ADH7: variants seen among roughly 807,000 people sequenced by gnomAD.
ADH7 encodes all-trans-retinol dehydrogenase [NAD(+)] ADH7.
A neutral mutation model predicts 34.4 loss-of-function variants in ADH7; 41 were observed. The ratio of observed to expected loss-of-function variants is 1.19; its 90% CI spans 0.93 to 1.55. The LOEUF (loss-of-function observed/expected upper bound fraction) is 1.55, where lower values mean the gene tolerates loss of function less well. Ranked by LOEUF, ADH7 falls within the 40% of genes most tolerant of loss-of-function variation. ADH7 has a pLI of 0.00. For synonymous variants in ADH7, 180 were observed against 160.9 expected (o/e 1.12, Z -0.90); for missense variants, 540 against 461.2 (o/e 1.17, Z -1.56).
At chr4:99,420,452 T>C (rs1721620250) in intron 6 of ADH7, 81 bp downstream of exon 6, 1 of 1,412,838 alleles carries the variant, frequency 7.1e-7, no homozygotes, top group Admixed American at 2.0e-5. Context: ...TGACTATTAA[T>C]AAAGTTATAG....
Position 99,427,812 on chromosome 4 carries a change from C to A in ADH7, c.525G>T (p.Gly175=). 1 of 1,602,886 alleles carries A rather than the reference C, an allele frequency of 6.2e-7. No homozygotes were observed. The highest frequency in any genetic ancestry group is 8.5e-7 in the Non-Finnish European group (1 of 1,173,550). ...PPEKVCLIGC[G]FSTGYGAAVK... is the part of the protein sequence containing the mutation. ...CAGCAGCGCCATATCCAGTGGAAAA[C>A]CCACAGCCAATTAAACAGACTTTCT... Residue 175 remains glycine, a synonymous_variant, in exon 5 of 9, where the codon GGG becomes GGT. Transcript: ENST00000437033.
intron 7 of ADH7, 48 bp downstream of exon 7, chr4:99,418,938 C>T: frequency 6.2e-7 from 1 of 1,602,448 alleles, no homozygotes; most frequent in Non-Finnish European, 8.5e-7. Flanking sequence ...TTGCCAAGCA[C>T]CAGAGTGAAA....
At chr4:99,429,176 T>C (rs1385973984) in intron 2 of ADH7, among the ~76,000 whole-genome samples, 1 of 152,158 alleles carries the variant, frequency 6.6e-6, no homozygotes, top group Non-Finnish European at 1.5e-5. Context: ...ACAAGTGAGT[T>C]CCTCATTCTT....
intron 1 of ADH7, among the ~76,000 whole-genome samples, chr4:99,434,767 A>G (rs944995282): frequency 3.9e-5 from 6 of 152,154 alleles, no homozygotes; most frequent in African/African-American, 1.2e-4. Context: ...TTTGCATCCC[A>G]GAATTAGCAT....
chr4:99,434,185 G>A (rs1432719502), intron 1 of ADH7, among the ~76,000 whole-genome samples: 1 of 152,172 alleles, frequency 6.6e-6, no homozygotes, highest in East Asian at 1.9e-4. Flanking sequence ...AACCAGACCT[G>A]AAGCATCTGT....
chr4:99,428,011 C>A (rs4147550), intron 4 of ADH7, 22 bp from the exon 5 acceptor site: 1 of 1,611,882 alleles, frequency 6.2e-7, no homozygotes, highest in Admixed American at 1.7e-5. Flanking sequence ...ATCAAATACA[C>A]GTATTAATTA....
intron 7 of ADH7, among the ~76,000 whole-genome samples, chr4:99,418,069 T>C (rs1289131351): frequency 2.0e-5 from 3 of 152,190 alleles, no homozygotes; most frequent in Non-Finnish European, 4.4e-5. Context: ...CTCAGTTTTA[T>C]TATTCATTAA....
At chr4:99,428,783 T>C (rs1721875537) in intron 2 of ADH7, among the ~76,000 whole-genome samples, 153 bp from the exon 3 acceptor site, 1 of 152,206 alleles carries the variant, frequency 6.6e-6, no homozygotes, top group Admixed American at 6.6e-5. Context: ...GAGCCAAAAA[T>C]CAACCATCAG....
Position 99,427,995 on chromosome 4 carries a change from T to G in ADH7, c.348-6A>C. On this transcript the variant is annotated splice_region_variant and splice_polypyrimidine_tract_variant and intron_variant, in intron 4 of 8. Transcript: ENST00000437033. ...GTACTCCACGACCAGTAATACTGTT[T>G]GATACATCAAATACACGTATTAATT... 1 of 1,613,826 alleles carries G rather than the reference T, an allele frequency of 6.2e-7. No homozygotes were observed. The highest frequency in any genetic ancestry group is 8.5e-7 in the Non-Finnish European group (1 of 1,179,798).
At chr4:99,413,966 A>G (rs1214519774) in intron 8 of ADH7, among the ~76,000 whole-genome samples, 1 of 152,198 alleles carries the variant, frequency 6.6e-6, no homozygotes, top group Non-Finnish European at 1.5e-5. Context: ...TGGCGAAAAA[A>G]TATTTCCAAG....
At chr4:99,417,376 C>T (rs886079877) in intron 7 of ADH7, among the ~76,000 whole-genome samples, 3 of 152,096 alleles carry the variant, frequency 2.0e-5, no homozygotes, top group African/African-American at 7.2e-5. Flanking sequence ...TTGCCAACAC[C>T]CTGTTGTATT....
At position 99,419,059 on chromosome 4, in the gene ADH7, T is replaced by C. The variant is rs1181197937; in HGVS notation, c.888A>G (p.Pro296=). ...YGTSVVVGVP[P]SAKMLTYDPM... ...GGTCATAGGTGAGCATCTTGGCTGA[T>C]GGAGGAACTCCTACAACCACGCTGG... is the stretch of plus-strand genomic sequence containing the variant. The change falls in exon 7 of 9, where the codon CCA becomes CCG. Residue 296 remains proline, a synonymous_variant. Coordinates refer to ENST00000437033, the MANE Select transcript of ADH7 (RefSeq NM_000673.7). The C allele has an allele frequency of 1.6e-5, 26 of 1,613,890 alleles. 1 individual carries two copies. The highest frequency in any genetic ancestry group is 1.7e-4 in the Middle Eastern group (1 of 6,056).
intron 1 of ADH7, among the ~76,000 whole-genome samples, chr4:99,431,932 G>C (rs1721944996): frequency 6.6e-6 from 1 of 152,038 alleles, no homozygotes; most frequent in African/African-American, 2.4e-5. Flanking sequence ...ACATAAAACA[G>C]GATTAACATT....
intron 5 of ADH7, among the ~76,000 whole-genome samples, chr4:99,423,576 G>A (rs1451155705): frequency 1.3e-5 from 2 of 152,068 alleles, no homozygotes; most frequent in Non-Finnish European, 2.9e-5. Context: ...CATTCTAACT[G>A]GTGTGAGATG....
At position 99,412,834 on chromosome 4, in the gene ADH7, C is replaced by T; in HGVS notation, c.*314G>A. On this transcript the variant is annotated 3_prime_UTR_variant, in exon 9 of 9. Transcript: ENST00000437033. ...TCTGTTTTGAGTTATATATCTGCAG[C>T]AGCTGGTTAAAACTCTTAAAAATCT... 1 of 277,372 alleles carries T rather than the reference C, an allele frequency of 3.6e-6. No homozygotes were observed. The highest frequency in any genetic ancestry group is 6.7e-6 in the Non-Finnish European group (1 of 149,736). The allele number at this position is 277,372 out of a possible 1,614,324, so 17.2% of individuals were successfully genotyped here.
chr4:99,435,319 C>A lies in ADH7; in HGVS notation c.-86G>T. On this transcript the variant is annotated 5_prime_UTR_variant, in exon 1 of 9. Transcript: ENST00000437033. ...TTCACTCTGTTGTATATAACAGCAG[C>A]TTGTGCCTTCACATAGATAGTCTGG... 1 of 1,566,136 alleles carries A rather than the reference C, an allele frequency of 6.4e-7. No homozygotes were observed. Among genetic ancestry groups the A allele is most frequent in the Non-Finnish European group, 8.8e-7 (1 of 1,141,846 alleles).
chr4:99,427,813 C>G lies in ADH7; in HGVS notation c.524G>C (p.Gly175Ala). Reference protein sequence around the residue: ...PPEKVCLIGCGFSTGYGAAVK... With the variant: ...PPEKVCLIGCAFSTGYGAAVK... ...AGCAGCGCCATATCCAGTGGAAAAC[C>G]CACAGCCAATTAAACAGACTTTCTC... is the stretch of plus-strand genomic sequence containing the variant. The change falls in exon 5 of 9, where the codon GGG (glycine) becomes GCG (alanine). Residue 175 changes from glycine to alanine, a missense_variant. By Grantham distance (60) the Gly-to-Ala change is moderately conservative (BLOSUM62 0). Coordinates refer to ENST00000437033, the MANE Select transcript of ADH7 (RefSeq NM_000673.7). 1 of 1,603,034 alleles carries G rather than the reference C, an allele frequency of 6.2e-7. No homozygotes were observed. The highest frequency in any genetic ancestry group is 8.5e-7 in the Non-Finnish European group (1 of 1,173,582).
chr4:99,429,165 C>T (rs1721883967), intron 2 of ADH7, among the ~76,000 whole-genome samples: 1 of 152,188 alleles, frequency 6.6e-6, no homozygotes, highest in East Asian at 1.9e-4. Flanking sequence ...TTTCTCCAGG[C>T]ACAAGTGAGT....
At chr4:99,422,519 G>A (rs1345828600) in intron 5 of ADH7, among the ~76,000 whole-genome samples, 5 of 152,054 alleles carry the variant, frequency 3.3e-5, no homozygotes, top group Admixed American at 2.0e-4. Context: ...GGGGGGTGAG[G>A]GGAGGGAACC....
Sources: gnomAD v4.1 joint callset for allele counts (sites outside exome capture counted in the v4.1 genomes callset) on GRCh38, gnomAD v4.1.1 for gene constraint, MANE v1.5 for transcripts, NCBI Gene and HGNC (gene_info 2026-07-23, HGNC 2026-07-21) for gene names.